The following RIBC2 variants were observed in gnomAD, a reference collection of about 807,000 sequenced individuals.
The protein encoded by RIBC2 is RIB43A domain with coiled-coils 2.
Under a neutral mutation model 44.3 loss-of-function variants are expected in RIBC2, and 40 were observed. The ratio of observed to expected loss-of-function variants is 0.90; its 90% CI spans 0.70 to 1.18. RIBC2 has a LOEUF of 1.18. Ranked by LOEUF, RIBC2 falls within the 50% of genes most tolerant of loss-of-function variation. RIBC2 has a pLI of 0.00. For missense variants in RIBC2, 459 were observed against 485.5 expected, an observed-to-expected ratio of 0.95 and a Z score of 0.51; for synonymous variants, 171 against 175.0, an observed-to-expected ratio of 0.98 and a Z score of 0.18.
chr22:45,421,310 AT>A (rs1490481604), intron 3 of RIBC2, among the ~76,000 whole-genome samples: 1 of 25,910 alleles, frequency 3.9e-5, no homozygotes, highest in Non-Finnish European at 5.5e-5. Context: ...TAATAATACT[AT>A]TATTATTATT....
intron 6 of RIBC2, 85 bp from the exon 7 acceptor site, chr22:45,432,199 T>A (rs2087586268): frequency 4.4e-6 from 3 of 689,304 alleles, no homozygotes; most frequent in South Asian, 4.0e-5. Context: ...ATAAAAAGTT[T>A]GTGTGCCTTT....
chr22:45,417,230 C>T (rs1026644380), intron 2 of RIBC2, among the ~76,000 whole-genome samples: 3 of 151,988 alleles, frequency 2.0e-5, no homozygotes, highest in African/African-American at 7.3e-5. Context: ...TCTGCCTGGC[C>T]GTTCCTACAC....
chr22:45,415,785 C>T (rs894269486), intron 2 of RIBC2, among the ~76,000 whole-genome samples: 8 of 152,140 alleles, frequency 5.3e-5, no homozygotes, highest in African/African-American at 1.2e-4. Context: ...CCGCAACCTC[C>T]GCCTCCTGGG....
At chr22:45,424,030 A>G (rs1341868879) in intron 4 of RIBC2, among the ~76,000 whole-genome samples, 3 of 151,952 alleles carry the variant, frequency 2.0e-5, no homozygotes. Context: ...CTTTTGCTAA[A>G]CCCTATTGTC....
At chr22:45,420,592 T>A (rs1411902964) in intron 3 of RIBC2, among the ~76,000 whole-genome samples, 3 of 152,108 alleles carry the variant, frequency 2.0e-5, no homozygotes, top group Non-Finnish European at 4.4e-5. Context: ...CAGCCCTGGA[T>A]CCTCTTCTGC....
At position 45,417,902 on chromosome 22, in the gene RIBC2, A is replaced by G. The variant is rs2087441231; in HGVS notation, c.512A>G (p.Gln171Arg). Residue 171 changes from glutamine (Q) to arginine (R), a missense_variant, in exon 3 of 7, where the codon CAG (glutamine) becomes CGG (arginine). Physicochemically the swap from Gln to Arg is conservative, Grantham distance 43 (BLOSUM62 1). Coordinates refer to ENST00000614167, the MANE Select transcript of RIBC2 (RefSeq NM_015653.5). ...CAAAACAGAGAATGGTCTTTGCAGC[A>G]GCAAAGGGAATGGAAGAACGCCCGT... ...EEQNREWSLQ[Q>R]QREWKNARAE... The G allele has an allele frequency of 6.2e-7, 1 of 1,613,110 alleles. No individual in the cohort carries two copies. The highest frequency in any genetic ancestry group is 8.5e-7 in the Non-Finnish European group (1 of 1,179,478).
intron 2 of RIBC2, among the ~76,000 whole-genome samples, chr22:45,414,832 G>C (rs1193189768): frequency 6.6e-6 from 1 of 151,970 alleles, no homozygotes; most frequent in Non-Finnish European, 1.5e-5. Context: ...TAAAAAACTG[G>C]ATAGGAAAAG....
intron 4 of RIBC2, among the ~76,000 whole-genome samples, chr22:45,423,892 C>G (rs1429252849): frequency 1.3e-5 from 2 of 152,154 alleles, no homozygotes; most frequent in East Asian, 3.8e-4. Flanking sequence ...GACAATTAGT[C>G]CACTGTTGGC....
chr22:45,418,593 G>A (rs530317320), intron 3 of RIBC2, among the ~76,000 whole-genome samples: 6 of 152,178 alleles, frequency 3.9e-5, no homozygotes, highest in Admixed American at 6.6e-5. Flanking sequence ...ACCGGGTAAC[G>A]AAGACGACAA....
At chr22:45,420,454 A>G (rs1268524177) in intron 3 of RIBC2, among the ~76,000 whole-genome samples, 2 of 151,966 alleles carry the variant, frequency 1.3e-5, no homozygotes, top group African/African-American at 2.4e-5. Flanking sequence ...GACGTGTTGT[A>G]TGGTTCATCC....
intron 4 of RIBC2, among the ~76,000 whole-genome samples, chr22:45,422,783 C>T (rs1569209509): frequency 6.6e-6 from 1 of 152,112 alleles, no homozygotes; most frequent in Admixed American, 6.5e-5. Context: ...CAGACTTCCC[C>T]TTTACTGAGA....
intron 3 of RIBC2, among the ~76,000 whole-genome samples, chr22:45,420,108 C>CGATT: frequency 6.6e-6 from 1 of 152,272 alleles, no homozygotes; most frequent in East Asian, 1.9e-4. Context: ...TCAGAGTAAA[C>CGATT]GATTTTTTTC....
Position 45,422,223 on chromosome 22 carries a change from G to A in RIBC2, c.557-67G>A, listed in dbSNP as rs142489761. On this transcript the variant is annotated intron_variant, in intron 3 of 6. Transcript: ENST00000614167. Reference sequence around the variant, plus strand: ...AGGACGTGGTAGGAGGCAAAGGCACGAACGGCCACACGTGGGAAGGTGCTC... The same window carrying A: ...AGGACGTGGTAGGAGGCAAAGGCACAAACGGCCACACGTGGGAAGGTGCTC... 8.8e-3 allele frequency: 10,064 copies of A among 1,143,742 alleles called. 74 individuals carry two copies. The highest frequency in any genetic ancestry group is 0.011 in the Non-Finnish European group (8,641 of 754,534). The allele number at this position is 1,143,742 out of a possible 1,614,324, so 70.8% of individuals were successfully genotyped here. A position where few individuals can be genotyped will look rare whatever the true frequency, so the allele number is the denominator to read the frequency against.
intron 4 of RIBC2, among the ~76,000 whole-genome samples, chr22:45,425,229 C>G (rs1229475691): frequency 6.6e-6 from 1 of 152,152 alleles, no homozygotes; most frequent in African/African-American, 2.4e-5. Flanking sequence ...TGAAGTTGGG[C>G]CTGTCTAACT....
chr22:45,423,931 C>T (rs914700308), intron 4 of RIBC2, among the ~76,000 whole-genome samples: 24 of 152,082 alleles, frequency 1.6e-4, no homozygotes, highest in African/African-American at 4.3e-4. Flanking sequence ...TTTATGGAAG[C>T]GATGGTGATG....
chr22:45,422,439 G>C (rs372233853), intron 4 of RIBC2, 31 bp downstream of exon 4: 2 of 1,485,748 alleles, frequency 1.3e-6, no homozygotes, highest in Admixed American at 1.7e-5. Context: ...CGGGCTCGAC[G>C]ACTGGAGGGG....
Position 45,425,124 on chromosome 22 carries a change from AAAAC to A in RIBC2, c.676-804_676-801del, listed in dbSNP as rs538274364. On this transcript the variant is annotated intron_variant, in intron 4 of 6. Coordinates refer to ENST00000614167, the MANE Select transcript of RIBC2 (RefSeq NM_015653.5). The stretch of plus-strand genomic sequence containing the variant: ...TGACAGAGCGAGACTCCGTCTCAAA[AAAAC>A]AAACAAACAAACAAACAAAAAAAAA... 4.7e-3 allele frequency among the ~76,000 whole-genome samples: 714 copies of A among 152,098 alleles called. 3 individuals carry two copies. Among genetic ancestry groups the A allele is most frequent in the African/African-American group, 0.013 (528 of 41,428 alleles).
rs572264217 is a variant in RIBC2, at chr22:45,417,792, T to A, written c.402T>A (p.Asn134Lys). 1 of 1,614,100 alleles carries A rather than the reference T, an allele frequency of 6.2e-7. No homozygotes were observed. The change falls in exon 3 of 7, where the codon AAT becomes AAA. Residue 134 changes from asparagine to lysine, a missense_variant. By Grantham distance (94) the Asn-to-Lys change is moderately conservative. Transcript: ENST00000614167. ...ATCTTCCAGCCCGGCAGTCAGATAA[T>A]GATGTTCGGAATACGATATCAGGAA... is the stretch of plus-strand genomic sequence containing the variant. Reference protein sequence around the residue: ...KKDLPARQSDNDVRNTISGMQ... With the variant: ...KKDLPARQSDKDVRNTISGMQ...
chr22:45,421,758 T>G (rs889197886), intron 3 of RIBC2, among the ~76,000 whole-genome samples: 4 of 151,910 alleles, frequency 2.6e-5, no homozygotes, highest in African/African-American at 7.3e-5. Context: ...CTTCACATTT[T>G]GCTTTTGGAC....
Sources: allele counts gnomAD v4.1 joint callset (sites outside exome capture counted in the v4.1 genomes callset), GRCh38; gene constraint gnomAD v4.1.1; transcripts MANE v1.5; gene names NCBI Gene and HGNC (gene_info 2026-07-23, HGNC 2026-07-21).